The following DLG2 variants were observed in gnomAD, a reference collection of about 807,000 sequenced individuals.
The protein encoded by DLG2 is discs large MAGUK scaffold protein 2, also known as disks large homolog 2.
DLG2 carries 45 observed loss-of-function variants against 132.5 expected under a neutral mutation model. The ratio of observed to expected loss-of-function variants is 0.34; its 90% CI spans 0.27 to 0.44. The LOEUF (loss-of-function observed/expected upper bound fraction) is 0.44. DLG2 is among the 20% of genes least tolerant of loss of function. The pLI is 1.00. For missense variants in DLG2, 1,045 were observed against 1,196.9 expected, an observed-to-expected ratio of 0.87 and a Z score of 1.87; for synonymous variants, 424 against 419.6, an observed-to-expected ratio of 1.01 and a Z score of -0.13.
At chr11:84,892,513 TTTTA>T (rs977830627) in intron 6 of DLG2, among the ~76,000 whole-genome samples, 4 of 152,142 alleles carry the variant, frequency 2.6e-5, no homozygotes, top group African/African-American at 7.2e-5. Context: ...AATTGAGTAT[TTTTA>T]TTTATTTATA....
intron 2 of DLG2, among the ~76,000 whole-genome samples, chr11:85,625,698 A>T (rs916055664): frequency 6.6e-6 from 1 of 152,226 alleles, no homozygotes; most frequent in Non-Finnish European, 1.5e-5. Flanking sequence ...ACTGGACAAC[A>T]TTTGGATCTA....
intron 7 of DLG2, among the ~76,000 whole-genome samples, chr11:84,343,765 G>C (rs1480983666): frequency 6.6e-6 from 1 of 152,106 alleles, no homozygotes; most frequent in African/African-American, 2.4e-5. Flanking sequence ...TATTATTGTT[G>C]TCACTCTTCT....
intron 6 of DLG2, among the ~76,000 whole-genome samples, chr11:84,770,764 G>A (rs1311492757): frequency 1.3e-5 from 2 of 151,048 alleles, no homozygotes; most frequent in Admixed American, 6.6e-5. Flanking sequence ...TCCTGCCTCA[G>A]CCTCCCTAGT....
At chr11:84,089,358 A>G (rs1722922193) in intron 10 of DLG2, among the ~76,000 whole-genome samples, 1 of 152,022 alleles carries the variant, frequency 6.6e-6, no homozygotes, top group South Asian at 2.1e-4. Flanking sequence ...ATGATTACCA[A>G]TCATTTTTCT....
At chr11:84,135,646 G>A (rs943700789) in intron 9 of DLG2, among the ~76,000 whole-genome samples, 1 of 152,122 alleles carries the variant, frequency 6.6e-6, no homozygotes, top group Admixed American at 6.6e-5. Context: ...GAGCCCATGA[G>A]TTTGAAAAAT....
chr11:83,844,279 C>T (rs772857245), intron 16 of DLG2, among the ~76,000 whole-genome samples: 12 of 148,136 alleles, frequency 8.1e-5, no homozygotes, highest in East Asian at 2.0e-4. Context: ...CGGTGGCTCA[C>T]GCCTGTAGTA....
At chr11:84,435,701 T>C (rs1378063772) in intron 7 of DLG2, among the ~76,000 whole-genome samples, 3 of 152,204 alleles carry the variant, frequency 2.0e-5, no homozygotes, top group Admixed American at 6.5e-5. Flanking sequence ...CAGAAATGGA[T>C]GGGACAGATT....
intron 17 of DLG2, among the ~76,000 whole-genome samples, chr11:83,795,869 C>T (rs1380270197): frequency 6.6e-6 from 1 of 152,192 alleles, no homozygotes. Flanking sequence ...CATTCTTATA[C>T]CCTTGTCCCT....
chr11:84,449,703 CTTATG>C (rs2099045839), intron 7 of DLG2, among the ~76,000 whole-genome samples: 1 of 151,632 alleles, frequency 6.6e-6, no homozygotes, highest in Admixed American at 6.6e-5. Context: ...TTGTTGTTTA[CTTATG>C]TTATTTTAAA....
At chr11:83,688,341 G>C (rs766085410) in intron 18 of DLG2, among the ~76,000 whole-genome samples, 4 of 152,062 alleles carry the variant, frequency 2.6e-5, no homozygotes, top group Non-Finnish European at 5.9e-5. Flanking sequence ...GGGCTTGTGC[G>C]AATGTCTGAG....
intron 12 of DLG2, among the ~76,000 whole-genome samples, chr11:83,974,459 G>C (rs948209533): frequency 1.9e-4 from 1 of 5,308 alleles, no homozygotes; most frequent in African/African-American, 2.6e-3. Flanking sequence ...ACTAGTTTTA[G>C]GTGTTTTGTT....
intron 3 of DLG2, among the ~76,000 whole-genome samples, chr11:85,563,494 C>T (rs2077366247): frequency 6.6e-6 from 1 of 151,444 alleles, no homozygotes; most frequent in Admixed American, 6.6e-5. Flanking sequence ...ACCTTAGGCA[C>T]CACTACCTGC....
At chr11:83,750,685 C>T (rs1046490338) in intron 18 of DLG2, among the ~76,000 whole-genome samples, 6 of 152,082 alleles carry the variant, frequency 3.9e-5, no homozygotes, top group African/African-American at 1.4e-4. Context: ...TCAGTCTTCT[C>T]AAGAGAAAAC....
At chr11:84,371,034 T>C (rs1470951161) in intron 7 of DLG2, among the ~76,000 whole-genome samples, 2 of 152,130 alleles carry the variant, frequency 1.3e-5, no homozygotes, top group Middle Eastern at 3.2e-3. Context: ...TGCCTACTTA[T>C]GTCCAAAGGA....
At chr11:84,964,835 C>T (rs1433986043) in intron 6 of DLG2, among the ~76,000 whole-genome samples, 1 of 151,906 alleles carries the variant, frequency 6.6e-6, no homozygotes, top group Non-Finnish European at 1.5e-5. Flanking sequence ...TAGAGATAGA[C>T]ATTTAAACCA....
intron 6 of DLG2, among the ~76,000 whole-genome samples, chr11:85,069,321 G>C (rs1004590674): frequency 1.3e-5 from 2 of 152,062 alleles, no homozygotes; most frequent in Non-Finnish European, 2.9e-5. Context: ...TTAAACTAAA[G>C]AGCTTCTGCA....
intron 19 of DLG2, among the ~76,000 whole-genome samples, chr11:83,552,029 T>C (rs1053314009): frequency 2.6e-5 from 4 of 152,170 alleles, no homozygotes; most frequent in African/African-American, 7.2e-5. Flanking sequence ...TCAGTGATGG[T>C]TCTAGGAGCT....
chr11:85,495,577 T>G (rs2093651863), intron 3 of DLG2, among the ~76,000 whole-genome samples: 1 of 152,030 alleles, frequency 6.6e-6, no homozygotes, highest in Non-Finnish European at 1.5e-5. Context: ...AAAACCACAA[T>G]GAGATACCAT....
At position 83,927,950 on chromosome 11, in the gene DLG2, C is replaced by T. The variant is rs148701264; in HGVS notation, c.1496+2378G>A. On this transcript the variant is annotated intron_variant, in intron 15 of 27. Transcript: ENST00000376104. The stretch of plus-strand genomic sequence containing the variant: ...TCTCAAGTTTTTGGCTTGAACAATG[C>T]GGTAGATGTGTGTGCCATTTACTAA... 2.3e-3 allele frequency among the ~76,000 whole-genome samples: 354 copies of T among 152,058 alleles called. 2 individuals carry two copies. Among genetic ancestry groups the T allele is most frequent in the African/African-American group, 8.0e-3 (333 of 41,492 alleles).
Sources: gnomAD v4.1 joint callset for allele counts (sites outside exome capture counted in the v4.1 genomes callset) on GRCh38, gnomAD v4.1.1 for gene constraint, MANE v1.5 for transcripts, NCBI Gene and HGNC (gene_info 2026-07-23, HGNC 2026-07-21) for gene names.